CSMD1: variants seen among roughly 807,000 people sequenced by gnomAD.
CSMD1 encodes the protein CUB and Sushi multiple domains 1, also known as CUB and sushi domain-containing protein 1.
Under a neutral mutation model 417.5 loss-of-function variants are expected in CSMD1, and 213 were observed. The ratio of observed to expected loss-of-function variants is 0.51; its 90% confidence interval spans 0.46 to 0.57. The LOEUF is 0.57. Ranked by LOEUF, CSMD1 falls within the 20% of genes least tolerant of loss-of-function variation. The probability of loss-of-function intolerance (pLI) is 0.00; values close to 1 mark genes in which losing one functional copy is unlikely to be tolerated. For synonymous variants in CSMD1, 2,862 were observed against 1,736.8 expected, an observed-to-expected ratio of 1.65 and a Z score of -16.11; for missense variants, 6,923 against 4,529.7, an observed-to-expected ratio of 1.53 and a Z score of -15.17.
intron 26 of CSMD1, among the ~76,000 whole-genome samples, chr8:3,263,618 A>G (rs1294907038): frequency 1.3e-5 from 2 of 152,214 alleles, no homozygotes; most frequent in Non-Finnish European, 2.9e-5. Flanking sequence ...ATGAAATTAT[A>G]TTTTTGAGAG....
At position 4,754,798 on chromosome 8, in the gene CSMD1, G is replaced by A. The variant is rs147382773; in HGVS notation, c.86-117240C>T. ...CAGGAAGCAGAGGTTGCAGTGAGCC[G>A]AGATCGCACCACTGCACTCCAGCCT... On this transcript the variant is annotated intron_variant, in intron 1 of 69. Transcript: ENST00000635120. 4.0e-3 allele frequency among the ~76,000 whole-genome samples: 614 copies of A among 152,142 alleles called. 2 individuals carry two copies. The highest frequency in any genetic ancestry group is 0.014 in the African/African-American group (586 of 41,488).
At chr8:3,537,253 T>A (rs1178825517) in intron 10 of CSMD1, among the ~76,000 whole-genome samples, 1 of 152,220 alleles carries the variant, frequency 6.6e-6, no homozygotes, top group African/African-American at 2.4e-5. Flanking sequence ...TCCACCTGCC[T>A]TGGCCTCCCA....
intron 3 of CSMD1, among the ~76,000 whole-genome samples, chr8:4,198,909 T>C (rs974306720): frequency 6.6e-6 from 1 of 151,934 alleles, no homozygotes; most frequent in Non-Finnish European, 1.5e-5. Flanking sequence ...TTTACTTTCC[T>C]TCCACGCAGG....
At chr8:3,615,027 C>T (rs1295338953) in intron 8 of CSMD1, among the ~76,000 whole-genome samples, 6 of 152,260 alleles carry the variant, frequency 3.9e-5, no homozygotes, top group South Asian at 2.1e-4. Context: ...AATTTTATTT[C>T]GTTGCTTTGT....
rs189337193 is a variant in CSMD1, at chr8:3,355,787, T to A, written c.3304+3365A>T. 7.5e-4 allele frequency among the ~76,000 whole-genome samples: 114 copies of A among 152,268 alleles called. 2 individuals carry two copies. Among genetic ancestry groups the A allele is most frequent in the Non-Finnish European group, 2.5e-4 (17 of 68,024 alleles). On this transcript the variant is annotated intron_variant, in intron 21 of 69. Coordinates refer to ENST00000635120, the MANE Select transcript of CSMD1 (RefSeq NM_033225.6). ...TTTACATCACCTTACCAATAAACTT[T>A]CATTTTGACTTAAGCCAATGTGGGC...
chr8:4,186,762 G>A (rs919913277), intron 3 of CSMD1, among the ~76,000 whole-genome samples: 1 of 151,742 alleles, frequency 6.6e-6, no homozygotes, highest in African/African-American at 2.4e-5. Context: ...TGAGGCGGGT[G>A]GATCACTTGA....
chr8:3,460,555 T>G lies in CSMD1; in HGVS notation c.1561+8157A>C, dbSNP rs573107252. 5.3e-5 allele frequency among the ~76,000 whole-genome samples: 8 copies of G among 152,174 alleles called. No individual in the cohort carries two copies. In the East Asian group the frequency reaches 1.4e-3, roughly 26 times the overall value. ...CGGGGAGAAATGAAGTTTCGACCAC[T>G]ACAGAGGCCGCCTAGAGGGGACACT... On this transcript the variant is annotated intron_variant, in intron 12 of 69. Transcript: ENST00000635120.
At chr8:2,967,572 A>G (rs771463955) in intron 57 of CSMD1, among the ~76,000 whole-genome samples, 3 of 152,170 alleles carry the variant, frequency 2.0e-5, no homozygotes, top group Non-Finnish European at 4.4e-5. Context: ...TTTACCAGAA[A>G]GATTGCTACA....
At chr8:3,608,908 T>C (rs918809125) in intron 8 of CSMD1, among the ~76,000 whole-genome samples, 3 of 152,150 alleles carry the variant, frequency 2.0e-5, no homozygotes, top group South Asian at 4.1e-4. Context: ...GCATATGCAA[T>C]GCATGCTAAG....
chr8:3,924,359 G>A (rs1479231701), intron 5 of CSMD1, among the ~76,000 whole-genome samples: 2 of 152,154 alleles, frequency 1.3e-5, no homozygotes, highest in African/African-American at 4.8e-5. Flanking sequence ...ATCACTAAAA[G>A]CTCAAGCTGC....
At chr8:4,309,342 T>G (rs1172750507) in intron 3 of CSMD1, among the ~76,000 whole-genome samples, 1 of 152,194 alleles carries the variant, frequency 6.6e-6, no homozygotes, top group Non-Finnish European at 1.5e-5. Flanking sequence ...ATGAGAAGTT[T>G]TTTTAGGAAA....
At chr8:3,114,114 C>A (rs535583087) in intron 42 of CSMD1, among the ~76,000 whole-genome samples, 1 of 152,158 alleles carries the variant, frequency 6.6e-6, no homozygotes, top group African/African-American at 2.4e-5. Flanking sequence ...CATGCGAGCA[C>A]ATGCCTGTGG....
chr8:3,621,865 T>A (rs1796259072), intron 7 of CSMD1, among the ~76,000 whole-genome samples: 1 of 151,972 alleles, frequency 6.6e-6, no homozygotes, highest in Non-Finnish European at 1.5e-5. Context: ...CACCTCGACG[T>A]CCCAAAGTGC....
chr8:3,359,314 G>C lies in CSMD1; in HGVS notation c.3142C>G (p.Pro1048Ala). 1 of 1,613,434 alleles carries C rather than the reference G, an allele frequency of 6.2e-7. No individual in the cohort carries two copies. Among genetic ancestry groups the C allele is most frequent in the Non-Finnish European group, 8.5e-7 (1 of 1,179,786 alleles). Residue 1048 changes from proline (P) to alanine (A), a missense_variant, in exon 21 of 70, where the codon CCT (proline) becomes GCT (alanine). By Grantham distance (27) the Pro-to-Ala change is conservative (BLOSUM62 -1). Coordinates refer to ENST00000635120, the MANE Select transcript of CSMD1 (RefSeq NM_033225.6). ...SEYDLEPCDD[P>A]GVPAFSRRIG... ...CTTCGGCTGAAGGCAGGGACTCCAG[G>C]ATCATCACATGGCTCCAGGTCATAT...
At chr8:3,622,590 T>A (rs1245804633) in intron 7 of CSMD1, among the ~76,000 whole-genome samples, 4 of 152,240 alleles carry the variant, frequency 2.6e-5, no homozygotes, top group African/African-American at 9.6e-5. Context: ...GTTGGAATTC[T>A]GTGAAGGCGC....
chr8:3,499,666 G>A (rs1025260245), intron 10 of CSMD1, among the ~76,000 whole-genome samples: 4 of 151,896 alleles, frequency 2.6e-5, no homozygotes, highest in African/African-American at 7.3e-5. Context: ...GTGGCCTCCC[G>A]ACTCTGCTTG....
intron 1 of CSMD1, among the ~76,000 whole-genome samples, chr8:4,980,249 C>T (rs1349246687): frequency 6.6e-6 from 1 of 152,176 alleles, no homozygotes; most frequent in African/African-American, 2.4e-5. Flanking sequence ...CCTGGGTAAT[C>T]TTAAGTTTAA....
intron 2 of CSMD1, among the ~76,000 whole-genome samples, chr8:4,635,243 G>A (rs1460024025): frequency 1.3e-5 from 2 of 152,032 alleles, no homozygotes; most frequent in Non-Finnish European, 2.9e-5. Context: ...TCACAATAAA[G>A]CTCTCTGAGG....
intron 5 of CSMD1, among the ~76,000 whole-genome samples, chr8:3,880,151 C>G (rs1806114917): frequency 6.6e-6 from 1 of 151,986 alleles, no homozygotes; most frequent in Non-Finnish European, 1.5e-5. Flanking sequence ...GTACCTTCGA[C>G]CATGGTACAG....
Sources: allele counts gnomAD v4.1 joint callset (sites outside exome capture counted in the v4.1 genomes callset), GRCh38; gene constraint gnomAD v4.1.1; transcripts MANE v1.5; gene names NCBI Gene and HGNC (gene_info 2026-07-23, HGNC 2026-07-21).